The following BRPF3 variants were observed in gnomAD, a reference collection of about 807,000 sequenced individuals.
BRPF3 encodes the protein bromodomain and PHD finger containing 3.
A neutral mutation model predicts 102.0 loss-of-function variants in BRPF3; 18 were observed. That is an observed-to-expected ratio of 0.18 (90% CI 0.12 to 0.26). The LOEUF (loss-of-function observed/expected upper bound fraction) is 0.26. Ranked by LOEUF, BRPF3 falls within the 10% of genes least tolerant of loss-of-function variation. The pLI is 1.00. For missense variants in BRPF3, 1,147 were observed against 1,567.8 expected (o/e 0.73, Z 4.53); for synonymous variants, 570 against 614.2 (o/e 0.93, Z 1.06).
chr6:36,224,815 A>G (rs751000225), intron 10 of BRPF3, among the ~76,000 whole-genome samples: 3 of 152,220 alleles, frequency 2.0e-5, no homozygotes, highest in Non-Finnish European at 4.4e-5. Context: ...CTATTTTTGT[A>G]TGGTCCATGG....
At chr6:36,225,733 C>G (rs1768718606) in intron 11 of BRPF3, among the ~76,000 whole-genome samples, 1 of 152,118 alleles carries the variant, frequency 6.6e-6, no homozygotes, top group Non-Finnish European at 1.5e-5. Flanking sequence ...ATGATTATTA[C>G]ATTTTGTAAG....
intron 3 of BRPF3, 69 bp downstream of exon 3, chr6:36,204,883 G>A: frequency 6.4e-7 from 1 of 1,572,940 alleles, no homozygotes; most frequent in Non-Finnish European, 8.6e-7. Context: ...TGATGGTTGG[G>A]GTGGGGCTGG....
intron 1 of BRPF3, among the ~76,000 whole-genome samples, chr6:36,197,811 C>G (rs1445491012): frequency 1.3e-5 from 2 of 152,286 alleles, no homozygotes; most frequent in Non-Finnish European, 2.9e-5. Flanking sequence ...TCCCTTCCCC[C>G]TCTAGAGTTT....
intron 11 of BRPF3, among the ~76,000 whole-genome samples, chr6:36,226,170 A>C (rs1768733140): frequency 6.6e-6 from 1 of 152,322 alleles, no homozygotes; most frequent in Non-Finnish European, 1.5e-5. Flanking sequence ...CCTTGTGCAC[A>C]TCCATGATTA....
At chr6:36,227,751 G>A (rs1024365271) in intron 11 of BRPF3, among the ~76,000 whole-genome samples, 18 of 152,220 alleles carry the variant, frequency 1.2e-4, no homozygotes, top group Admixed American at 6.5e-4. Flanking sequence ...CAGGCTGGGA[G>A]AGAGAGTTTT....
At chr6:36,229,587 C>T (rs2127298922) in intron 12 of BRPF3, among the ~76,000 whole-genome samples, 1 of 152,280 alleles carries the variant, frequency 6.6e-6, no homozygotes, top group East Asian at 1.9e-4. Flanking sequence ...ATGTTTCCGT[C>T]CTGAGGGGGG....
chr6:36,231,257 C>T lies in BRPF3; in HGVS notation c.*648C>T, dbSNP rs1308217013. 6.5e-6 allele frequency: 1 copy of T among 152,804 alleles called. No individual in the cohort carries two copies. Among genetic ancestry groups the T allele is most frequent in the African/African-American group, 2.4e-5 (1 of 41,430 alleles). 9.5% of individuals were successfully genotyped at this position (152,804 alleles called of 1,614,324 possible). A position where few individuals can be genotyped will look rare whatever the true frequency, so the allele number is the denominator to read the frequency against. The stretch of plus-strand genomic sequence containing the variant: ...GGCCAGCTGCTATGCCAGGTGGTGT[C>T]TCTGCCAGGCTCCTCAGGCCCAGAC... On this transcript the variant is annotated 3_prime_UTR_variant, in exon 13 of 13. Transcript: ENST00000357641.
At position 36,228,889 on chromosome 6, in the gene BRPF3, A is replaced by G. The variant is rs550654003; in HGVS notation, c.3280-13A>G. 4 of 1,613,652 alleles carry G rather than the reference A, an allele frequency of 2.5e-6. No homozygotes were observed. Among genetic ancestry groups the G allele is most frequent in the Non-Finnish European group, 2.5e-6 (3 of 1,179,838 alleles). ...CTCCCTCACTGAGTGCCCATCTTCTATTCTGCCTCCAGATCATCGATCCCA... is the reference window on the plus strand; with the variant it reads ...CTCCCTCACTGAGTGCCCATCTTCTGTTCTGCCTCCAGATCATCGATCCCA... On this transcript the variant is annotated splice_polypyrimidine_tract_variant and intron_variant, in intron 11 of 12. Coordinates refer to ENST00000357641, the MANE Select transcript of BRPF3 (RefSeq NM_015695.3).
In BRPF3 at chr6:36,210,263, T is replaced by A. The variant is rs894127802; in HGVS notation, c.1914T>A (p.Thr638=). 3.1e-6 allele frequency: 5 copies of A among 1,614,120 alleles called. No homozygotes were observed. The African/African-American group carries it at 6.7e-5, about 22-fold the overall frequency. The change falls in exon 6 of 13, where the codon ACT becomes ACA. Residue 638 remains threonine (T), a synonymous_variant. Transcript: ENST00000357641. This position sits in a 1 kb window ranked among gnomAD's most constrained non-coding sequence, Gnocchi z 4.7. Reference sequence around the variant, plus strand: ...TATCCAAGCCAATGGATTTTTCTACTATGAGGCGGAAGCTGGAGTCCCACC... The same window carrying A: ...TATCCAAGCCAATGGATTTTTCTACAATGAGGCGGAAGCTGGAGTCCCACC... ...EFISKPMDFS[T]MRRKLESHLY... is the part of the protein sequence containing the mutation.
chr6:36,227,748 G>A (rs1170414681), intron 11 of BRPF3, among the ~76,000 whole-genome samples: 2 of 152,186 alleles, frequency 1.3e-5, no homozygotes, highest in African/African-American at 4.8e-5. Flanking sequence ...AGACAGGCTG[G>A]GAGAGAGAGT....
chr6:36,199,803 G>A (rs1179999658), intron 1 of BRPF3, among the ~76,000 whole-genome samples: 2 of 152,198 alleles, frequency 1.3e-5, no homozygotes, highest in Admixed American at 6.5e-5. Flanking sequence ...TGAGGGCAGG[G>A]ATCATGTGTG....
Position 36,202,485 on chromosome 6 carries a change from C to T in BRPF3, c.1448+715C>T, listed in dbSNP as rs142581872. On this transcript the variant is annotated intron_variant, in intron 2 of 12. Coordinates refer to ENST00000357641, the MANE Select transcript of BRPF3 (RefSeq NM_015695.3). ...CCTGTTTTAAAACATCAGAGAGGTACCTGGAACCATTGGAGGGATGGGAGC... is the reference window on the plus strand; with the variant it reads ...CCTGTTTTAAAACATCAGAGAGGTATCTGGAACCATTGGAGGGATGGGAGC... 3.9e-3 allele frequency among the ~76,000 whole-genome samples: 505 copies of T among 128,840 alleles called. 2 individuals are homozygous for T. Among genetic ancestry groups the T allele is most frequent in the African/African-American group, 0.014 (471 of 34,584 alleles). The allele number at this position is 128,840 out of a possible 152,430, so 84.5% of individuals were successfully genotyped here.
intron 9 of BRPF3, among the ~76,000 whole-genome samples, chr6:36,220,531 C>A (rs943234793): frequency 6.6e-6 from 1 of 152,190 alleles, no homozygotes; most frequent in Admixed American, 6.5e-5. Context: ...CTTTGCTGTG[C>A]TGTCTTCTGT....
intron 3 of BRPF3, among the ~76,000 whole-genome samples, chr6:36,205,264 T>C (rs1389110715): frequency 6.6e-6 from 1 of 152,256 alleles, no homozygotes; most frequent in Non-Finnish European, 1.5e-5. Context: ...TGGTGGCTGT[T>C]AGCCATTAGC....
At chr6:36,215,414 G>A (rs1768293071) in intron 8 of BRPF3, among the ~76,000 whole-genome samples, 1 of 152,172 alleles carries the variant, frequency 6.6e-6, no homozygotes, top group Non-Finnish European at 1.5e-5. Context: ...CCCACCTAAA[G>A]TGTTCTTAAT....
chr6:36,230,617 G>A lies in BRPF3; in HGVS notation c.*8G>A, dbSNP rs888588147. ...ACTTCCAGCTACCTGTAAGGGCAGG[G>A]CTGGGCCTGCATCCGCTTGCCCTGC... is the stretch of plus-strand genomic sequence containing the variant. On this transcript the variant is annotated 3_prime_UTR_variant, in exon 13 of 13. Coordinates refer to ENST00000357641, the MANE Select transcript of BRPF3 (RefSeq NM_015695.3). The surrounding 1 kb of genome is among the most constrained non-coding windows in gnomAD (Gnocchi z 5.4). The A allele has an allele frequency of 2.5e-6, 4 of 1,603,820 alleles. No homozygotes were observed. The highest frequency in any genetic ancestry group is 2.2e-5 in the East Asian group (1 of 44,578).
At chr6:36,209,951 C>G in intron 5 of BRPF3, 36 bp downstream of exon 5, 1 of 1,611,214 alleles carries the variant, frequency 6.2e-7, no homozygotes, top group East Asian at 2.2e-5. Context: ...GTAAATTCTT[C>G]TTGAACTGGA....
At chr6:36,204,920 C>A (rs1180239110) in intron 3 of BRPF3, 106 bp downstream of exon 3, 6 of 1,447,760 alleles carry the variant, frequency 4.1e-6, no homozygotes, top group African/African-American at 1.4e-5. Flanking sequence ...CTCCATGGAG[C>A]CTTTGCCTAC....
chr6:36,229,190 T>G lies in BRPF3; in HGVS notation c.3434+134T>G, dbSNP rs1050249298. The G allele has an allele frequency of 6.1e-6, 7 of 1,140,738 alleles. No homozygotes were observed. In the African/African-American group the frequency reaches 1.1e-4, roughly 18 times the overall value. The allele number at this position is 1,140,738 out of a possible 1,614,324, so 70.7% of individuals were successfully genotyped here. A position where few individuals can be genotyped will look rare whatever the true frequency, so the allele number is the denominator to read the frequency against. ...GGTCTCCACTTGCCAGCAACAGGCC[T>G]GCACTTGGCATGTTAATAGTAACTG... On this transcript the variant is annotated intron_variant, in intron 12 of 12. Transcript: ENST00000357641.
Sources: allele counts gnomAD v4.1 joint callset (sites outside exome capture counted in the v4.1 genomes callset), GRCh38; gene constraint gnomAD v4.1.1; non-coding constraint Gnocchi (gnomAD v3.1); transcripts MANE v1.5; gene names NCBI Gene and HGNC (gene_info 2026-07-23, HGNC 2026-07-21).